Variants in SYNCRIP observed in about 807,000 individuals in gnomAD.
SYNCRIP encodes the protein synaptotagmin binding cytoplasmic RNA interacting protein.
Under a neutral mutation model 68.9 loss-of-function variants are expected in SYNCRIP, and 9 were observed. The observed-to-expected ratio is 0.13, with a 90% confidence interval of 0.08 to 0.23. The LOEUF (loss-of-function observed/expected upper bound fraction) is 0.23. Among genes scored for constraint, SYNCRIP ranks in the 10% least tolerant of loss-of-function variants. SYNCRIP has a pLI of 1.00. For synonymous variants in SYNCRIP, 258 were observed against 254.0 expected (o/e 1.02, Z -0.15); for missense variants, 414 against 770.6 (o/e 0.54, Z 5.48).
At chr6:85,635,035 C>T (rs891307745) in intron 6 of SYNCRIP, among the ~76,000 whole-genome samples, 2 of 152,042 alleles carry the variant, frequency 1.3e-5, no homozygotes, top group African/African-American at 4.8e-5. Flanking sequence ...TGTGGTGGTA[C>T]GCGCCTATTA....
intron 6 of SYNCRIP, among the ~76,000 whole-genome samples, chr6:85,636,462 AG>A (rs1324421251): frequency 6.6e-6 from 1 of 152,112 alleles, no homozygotes. Context: ...AAAAGAAAAA[AG>A]AAAAATTTCC....
In SYNCRIP at chr6:85,614,866, G is replaced by A. The variant is rs1165333652; in HGVS notation, c.1762C>T (p.Gln588Ter). 6.2e-7 allele frequency: 1 copy of A among 1,614,122 alleles called. No individual in the cohort carries two copies. The highest frequency in any genetic ancestry group is 2.2e-5 in the East Asian group (1 of 44,884). Residue 588 changes from glutamine (Q) to a stop codon, truncating the protein, a stop_gained, in exon 11 of 11, where the codon CAA becomes TAA. Transcript: ENST00000369622. LOFTEE classifies it high-confidence loss of function. ...RQTNNQNWGS[Q>*]PIAQQPLQGG... ...TGGAGCGGTTGCTGAGCAATGGGTT[G>A]GGAGCCCCAGTTCTGATTATTGGTC... is the stretch of plus-strand genomic sequence containing the variant.
intron 9 of SYNCRIP, 31 bp from the exon 10 acceptor site, chr6:85,618,970 T>C (rs201717172): frequency 2.1e-5 from 33 of 1,578,364 alleles, no homozygotes; most frequent in African/African-American, 1.8e-4. Flanking sequence ...AATATAAAAA[T>C]AGGACTTTCA....
At chr6:85,623,883 ATAAATGTAT>A (rs1299096332) in intron 7 of SYNCRIP, 85 bp downstream of exon 7, 1 of 1,460,062 alleles carries the variant, frequency 6.8e-7, no homozygotes, top group African/African-American at 1.4e-5. Flanking sequence ...CGATGAGTCA[ATAAATGTAT>A]TTAGAACAAT....
At chr6:85,619,106 T>G (rs539309995) in intron 9 of SYNCRIP, among the ~76,000 whole-genome samples, 162 bp downstream of exon 9, 1 of 152,326 alleles carries the variant, frequency 6.6e-6, no homozygotes, top group South Asian at 2.1e-4. Context: ...ATTTTTCATT[T>G]TTACTTAGAA....
intron 7 of SYNCRIP, 121 bp downstream of exon 7, chr6:85,623,856 A>C: frequency 5.7e-6 from 7 of 1,234,850 alleles, no homozygotes; most frequent in Non-Finnish European, 7.9e-6. Context: ...TACACTTCAA[A>C]AGTTGTAGTG....
At chr6:85,625,818 G>C (rs914613758) in intron 6 of SYNCRIP, among the ~76,000 whole-genome samples, 3 of 152,102 alleles carry the variant, frequency 2.0e-5, no homozygotes, top group Admixed American at 6.5e-5. Context: ...AATCCTAAAA[G>C]GGTCAACAAA....
At chr6:85,621,007 A>G (rs1187061475) in intron 8 of SYNCRIP, among the ~76,000 whole-genome samples, 4 of 152,234 alleles carry the variant, frequency 2.6e-5, no homozygotes. Context: ...ACTGTTCAAA[A>G]TATTAGTAAG....
Position 85,614,547 on chromosome 6 carries a change from AAT to A in SYNCRIP, c.*207_*208del. 1 of 1,281,156 alleles carries A rather than the reference AAT, an allele frequency of 7.8e-7. No homozygotes were observed. The highest frequency in any genetic ancestry group is 9.8e-7 in the Non-Finnish European group (1 of 1,016,616). 79.4% of individuals were successfully genotyped at this position (1,281,156 alleles called of 1,614,324 possible). A position where few individuals can be genotyped will look rare whatever the true frequency, so the allele number is the denominator to read the frequency against. On this transcript the variant is annotated 3_prime_UTR_variant, in exon 11 of 11. Transcript: ENST00000369622. ...TTAACTATTTCTTTCAGTATCTAAG[AAT>A]ATCTTTATTGAAAAAAATTAAAAAT...
At chr6:85,609,906 A>G (rs1364930927), downstream of SYNCRIP, 1 of 151,956 alleles carries the variant, frequency 6.6e-6, no homozygotes. Flanking sequence ...TGAAGCTGTC[A>G]AAGCCAAGAA....
At chr6:85,622,273 G>A (rs1806505017) in intron 8 of SYNCRIP, among the ~76,000 whole-genome samples, 1 of 152,132 alleles carries the variant, frequency 6.6e-6, no homozygotes, top group African/African-American at 2.4e-5. Context: ...TACTTGGGAG[G>A]CAGGAGAATC....
intron 6 of SYNCRIP, among the ~76,000 whole-genome samples, chr6:85,628,660 C>T (rs138331650): frequency 7.6e-4 from 115 of 152,316 alleles, no homozygotes; most frequent in African/African-American, 2.7e-3. Context: ...AGACACCATA[C>T]CACTCTTACA....
At chr6:85,623,571 A>AAAAAAAAAAAAAAAAAAAAAAC (rs1562087648) in intron 7 of SYNCRIP, among the ~76,000 whole-genome samples, 32 of 147,960 alleles carry the variant, frequency 2.2e-4, no homozygotes, top group African/African-American at 8.3e-4. Flanking sequence ...CCAAAAAAAA[A>AAAAAAAAAAAAAAAAAAAAAAC]AAAAAAAAAA....
chr6:85,618,172 C>A (rs926462160), intron 10 of SYNCRIP, among the ~76,000 whole-genome samples: 3 of 152,102 alleles, frequency 2.0e-5, no homozygotes, highest in Non-Finnish European at 4.4e-5. Flanking sequence ...CACCCTTTAA[C>A]AAAATGTATT....
chr6:85,636,451 G>A (rs1290370295), intron 6 of SYNCRIP, among the ~76,000 whole-genome samples: 3 of 151,240 alleles, frequency 2.0e-5, no homozygotes, highest in Admixed American at 2.0e-4. Flanking sequence ...AAAAAAAAAA[G>A]AAAAGAAAAA....
At chr6:85,616,239 GC>G (rs1805751232) in intron 10 of SYNCRIP, among the ~76,000 whole-genome samples, 1 of 152,134 alleles carries the variant, frequency 6.6e-6, no homozygotes, top group African/African-American at 2.4e-5. Flanking sequence ...ATTATTTTGA[GC>G]CCAATAATCC....
Position 85,641,455 on chromosome 6 carries a change from T to C in SYNCRIP, c.-12-4A>G, listed in dbSNP as rs766098018. On this transcript the variant is annotated splice_polypyrimidine_tract_variant and splice_region_variant and intron_variant, in intron 1 of 10. Coordinates refer to ENST00000369622, the MANE Select transcript of SYNCRIP (RefSeq NM_006372.5). Reference sequence around the variant, plus strand: ...CTGTAGCCATGTTTCCAGAGATCTGTTCAAACGCAATAAGCAAAATTAAAC... The same window carrying C: ...CTGTAGCCATGTTTCCAGAGATCTGCTCAAACGCAATAAGCAAAATTAAAC... 2 of 1,602,336 alleles carry C rather than the reference T, an allele frequency of 1.2e-6. No homozygotes were observed. Among genetic ancestry groups the C allele is most frequent in the Non-Finnish European group, 1.7e-6 (2 of 1,175,038 alleles).
chr6:85,639,353 C>A (rs1023670435), intron 4 of SYNCRIP, among the ~76,000 whole-genome samples: 1 of 152,332 alleles, frequency 6.6e-6, no homozygotes, highest in South Asian at 2.1e-4. Flanking sequence ...ACAATGGAGA[C>A]AACTATACTC....
downstream of SYNCRIP, chr6:85,610,966 C>T (rs1805192234): frequency 6.6e-6 from 1 of 151,954 alleles, no homozygotes; most frequent in Non-Finnish European, 1.5e-5. Flanking sequence ...ATTTTTGTCA[C>T]CCCATACTCA....
Sources: allele counts gnomAD v4.1 joint callset (sites outside exome capture counted in the v4.1 genomes callset), GRCh38; gene constraint gnomAD v4.1.1; transcripts MANE v1.5; gene names NCBI Gene and HGNC (gene_info 2026-07-23, HGNC 2026-07-21).